ZNF804B: variants seen among roughly 807,000 people sequenced by gnomAD.
ZNF804B encodes zinc finger 804B.
ZNF804B carries 80 observed loss-of-function variants against 101.4 expected under a neutral mutation model. The ratio of observed to expected loss-of-function variants is 0.79; its 90% CI spans 0.66 to 0.95. The LOEUF is 0.95. ZNF804B is among the 40% of genes least tolerant of loss of function. The probability of loss-of-function intolerance (pLI) is 0.00; values close to 1 mark genes in which losing one functional copy is unlikely to be tolerated. For synonymous variants in ZNF804B, 622 were observed against 558.8 expected (o/e 1.11, Z -1.59); for missense variants, 1,673 against 1,561.9 (o/e 1.07, Z -1.20).
chr7:89,192,687 G>C (rs1205503060), intron 1 of ZNF804B, among the ~76,000 whole-genome samples: 1 of 151,560 alleles, frequency 6.6e-6, no homozygotes, highest in South Asian at 2.1e-4. Flanking sequence ...ATACCTAGCA[G>C]GGACACAACA....
At chr7:89,263,731 T>C (rs556725513) in intron 2 of ZNF804B, among the ~76,000 whole-genome samples, 1 of 152,020 alleles carries the variant, frequency 6.6e-6, no homozygotes, top group African/African-American at 2.4e-5. Flanking sequence ...GAACAGAAGA[T>C]CATGTAAAGA....
At chr7:89,286,699 A>G (rs1012562592) in intron 2 of ZNF804B, among the ~76,000 whole-genome samples, 6 of 152,232 alleles carry the variant, frequency 3.9e-5, no homozygotes, top group Non-Finnish European at 7.3e-5. Context: ...GCAGTGCCAG[A>G]AAAAGAATGA....
chr7:88,894,960 A>G (rs938603355), intron 1 of ZNF804B, among the ~76,000 whole-genome samples: 3 of 152,188 alleles, frequency 2.0e-5, no homozygotes, highest in African/African-American at 7.2e-5. Context: ...CTAGAACTCT[A>G]TAACACAAAT....
At chr7:89,209,211 T>C (rs1788766028) in intron 1 of ZNF804B, among the ~76,000 whole-genome samples, 1 of 151,742 alleles carries the variant, frequency 6.6e-6, no homozygotes, top group South Asian at 2.1e-4. Flanking sequence ...CAATGCTGAG[T>C]TGTCCCTAGG....
chr7:89,171,676 C>G (rs1791239381), intron 1 of ZNF804B, among the ~76,000 whole-genome samples: 1 of 152,062 alleles, frequency 6.6e-6, no homozygotes, highest in Non-Finnish European at 1.5e-5. Flanking sequence ...CTCAAGTGAT[C>G]CGCCTGCCTT....
At chr7:89,259,078 A>G (rs1162771387) in intron 2 of ZNF804B, among the ~76,000 whole-genome samples, 1 of 152,160 alleles carries the variant, frequency 6.6e-6, no homozygotes, top group Non-Finnish European at 1.5e-5. Flanking sequence ...GTCATAAGAT[A>G]AGTCAAAAGT....
chr7:89,053,671 CT>C (rs1789243407), intron 1 of ZNF804B, among the ~76,000 whole-genome samples: 1 of 151,106 alleles, frequency 6.6e-6, no homozygotes, highest in African/African-American at 2.4e-5. Flanking sequence ...TCTTTTCTTC[CT>C]TCCTTCATTT....
intron 2 of ZNF804B, among the ~76,000 whole-genome samples, chr7:89,261,878 AT>A (rs1789717439): frequency 6.6e-6 from 1 of 152,074 alleles, no homozygotes; most frequent in Admixed American, 6.6e-5. Context: ...GCCTGACTTT[AT>A]TTTCCATGAG....
chr7:88,881,165 T>G (rs1792023597), intron 1 of ZNF804B, among the ~76,000 whole-genome samples: 2 of 152,122 alleles, frequency 1.3e-5, no homozygotes, highest in Non-Finnish European at 2.9e-5. Flanking sequence ...GACTATAGGT[T>G]ATTTATAAAA....
intron 1 of ZNF804B, among the ~76,000 whole-genome samples, chr7:88,854,220 A>G (rs1791494250): frequency 6.6e-6 from 1 of 152,166 alleles, no homozygotes; most frequent in Non-Finnish European, 1.5e-5. Flanking sequence ...AAATAACTCG[A>G]TGATGAATTC....
chr7:88,856,027 A>G lies in ZNF804B; in HGVS notation c.108+95943A>G, dbSNP rs1194637761. 1.7e-4 allele frequency among the ~76,000 whole-genome samples: 26 copies of G among 152,134 alleles called. 1 individual carries two copies. Among genetic ancestry groups the G allele is most frequent in the African/African-American group, 3.4e-4 (14 of 41,498 alleles). ...CTGTAGCCTTGTAGTATAGTTTGAAATCAGGTAGCATGATGCCTCCAGCTT... is the reference window on the plus strand; with the variant it reads ...CTGTAGCCTTGTAGTATAGTTTGAAGTCAGGTAGCATGATGCCTCCAGCTT... On this transcript the variant is annotated intron_variant, in intron 1 of 3. Coordinates refer to ENST00000333190, the MANE Select transcript of ZNF804B (RefSeq NM_181646.5).
At chr7:88,833,381 G>T (rs1212517410) in intron 1 of ZNF804B, among the ~76,000 whole-genome samples, 1 of 151,876 alleles carries the variant, frequency 6.6e-6, no homozygotes, top group Non-Finnish European at 1.5e-5. Context: ...GATGAAAACT[G>T]CTGTCTTGTA....
intron 1 of ZNF804B, among the ~76,000 whole-genome samples, chr7:89,194,977 C>G (rs1035707337): frequency 2.6e-5 from 4 of 152,120 alleles, no homozygotes; most frequent in Admixed American, 1.3e-4. Context: ...TTTGTATCCT[C>G]TTTTATTTCC....
intron 1 of ZNF804B, among the ~76,000 whole-genome samples, chr7:88,958,713 C>T (rs1016156806): frequency 3.3e-5 from 5 of 151,324 alleles, no homozygotes; most frequent in African/African-American, 4.8e-5. Flanking sequence ...AATGTCACAT[C>T]GAAGAGTAAC....
chr7:89,019,295 T>C (rs1788623813), intron 1 of ZNF804B, among the ~76,000 whole-genome samples: 1 of 152,078 alleles, frequency 6.6e-6, no homozygotes, highest in Non-Finnish European at 1.5e-5. Context: ...TTTTCAGATA[T>C]TCCTCTTGGT....
chr7:89,025,597 T>A (rs1315528473), intron 1 of ZNF804B, among the ~76,000 whole-genome samples: 1 of 152,142 alleles, frequency 6.6e-6, no homozygotes. Context: ...CATTGCCCAT[T>A]CATCTATATA....
chr7:89,109,219 GA>G (rs1790178590), intron 1 of ZNF804B, among the ~76,000 whole-genome samples: 1 of 152,050 alleles, frequency 6.6e-6, no homozygotes, highest in Non-Finnish European at 1.5e-5. Context: ...ATTTTAAATG[GA>G]AACATAATGC....
intron 1 of ZNF804B, among the ~76,000 whole-genome samples, chr7:89,054,895 C>T (rs1197589052): frequency 2.0e-5 from 3 of 151,974 alleles, no homozygotes; most frequent in Non-Finnish European, 2.9e-5. Flanking sequence ...TACTTGAATA[C>T]CTGTTCAAGG....
intron 1 of ZNF804B, among the ~76,000 whole-genome samples, chr7:89,153,431 TAATAA>T: frequency 1.1e-5 from 1 of 87,494 alleles, no homozygotes; most frequent in African/African-American, 4.2e-5. Flanking sequence ...ATGATGATGA[TAATAA>T]TAATAATAAT....
Sources: gnomAD v4.1 joint callset for allele counts (sites outside exome capture counted in the v4.1 genomes callset) on GRCh38, gnomAD v4.1.1 for gene constraint, MANE v1.5 for transcripts, NCBI Gene and HGNC (gene_info 2026-07-23, HGNC 2026-07-21) for gene names.